PKP4: variants seen among roughly 807,000 people sequenced by gnomAD.
PKP4 encodes the protein plakophilin 4.
In PKP4, 90 loss-of-function variants were observed where a neutral mutation model predicts 145.1. The ratio of observed to expected loss-of-function variants is 0.62; its 90% CI spans 0.52 to 0.74. The LOEUF is 0.74. Ranked by LOEUF, PKP4 falls within the 30% of genes least tolerant of loss-of-function variation. The pLI is 0.00. For synonymous variants in PKP4, 563 were observed against 577.2 expected, an observed-to-expected ratio of 0.98 and a Z score of 0.35; for missense variants, 1,340 against 1,482.7, an observed-to-expected ratio of 0.90 and a Z score of 1.58.
chr2:158,603,314 T>C (rs2050380138), intron 4 of PKP4, among the ~76,000 whole-genome samples: 2 of 152,192 alleles, frequency 1.3e-5, no homozygotes, highest in Non-Finnish European at 1.5e-5. Flanking sequence ...GAAAAAGCAT[T>C]GAACAGCAGC....
At chr2:158,622,291 C>T (rs1488068787) in intron 6 of PKP4, among the ~76,000 whole-genome samples, 1 of 152,098 alleles carries the variant, frequency 6.6e-6, no homozygotes, top group African/African-American at 2.4e-5. Flanking sequence ...AGTTAGGGTT[C>T]TCTAACTTGA....
At position 158,631,767 on chromosome 2, in the gene PKP4, T is replaced by G; in HGVS notation, c.1168T>G (p.Tyr390Asp). The G allele has an allele frequency of 6.2e-7, 1 of 1,614,100 alleles. No individual in the cohort carries two copies. The highest frequency in any genetic ancestry group is 8.5e-7 in the Non-Finnish European group (1 of 1,179,930). ...PDSLTGLRSSYASQHSQLGQD... is the reference protein window; with the variant it reads ...PDSLTGLRSSDASQHSQLGQD... ...TGTGCCTCTAGGCTTACGGAGTTCCTATGCTAGTCAGCATAGTCAGCTTGG... is the reference window on the plus strand; with the variant it reads ...TGTGCCTCTAGGCTTACGGAGTTCCGATGCTAGTCAGCATAGTCAGCTTGG... Residue 390 changes from tyrosine to aspartate, a missense_variant, in exon 8 of 22, where the codon TAT becomes GAT. Coordinates refer to ENST00000389759, the MANE Select transcript of PKP4 (RefSeq NM_003628.6).
At chr2:158,669,619 G>A in intron 16 of PKP4, 101 bp from the exon 17 acceptor site, 2 of 907,500 alleles carry the variant, frequency 2.2e-6, no homozygotes, top group South Asian at 3.5e-5. Context: ...GTCTCTTTGG[G>A]GGTTTTATTT....
At chr2:158,672,055 T>C (rs2057609165) in intron 17 of PKP4, among the ~76,000 whole-genome samples, 1 of 152,158 alleles carries the variant, frequency 6.6e-6, no homozygotes, top group Non-Finnish European at 1.5e-5. Context: ...GTGAGGGGTA[T>C]AGGAGGCCCA....
intron 2 of PKP4, among the ~76,000 whole-genome samples, chr2:158,572,820 A>G (rs1450045660): frequency 6.6e-6 from 1 of 152,222 alleles, no homozygotes; most frequent in Non-Finnish European, 1.5e-5. Context: ...GAGACAACCA[A>G]AGAAAAGAGA....
chr2:158,474,398 T>G (rs1290650750), intron 1 of PKP4, among the ~76,000 whole-genome samples: 3 of 152,230 alleles, frequency 2.0e-5, no homozygotes, highest in Non-Finnish European at 2.9e-5. Flanking sequence ...CTGTGTTGAT[T>G]ACTGAACCCC....
At chr2:158,664,498 C>T (rs779864930) in intron 15 of PKP4, among the ~76,000 whole-genome samples, 9 of 152,184 alleles carry the variant, frequency 5.9e-5, no homozygotes, top group African/African-American at 2.2e-4. Context: ...AGAGTTACTA[C>T]AATGCTTGCT....
At chr2:158,605,122 CT>C (rs1490969165) in intron 4 of PKP4, among the ~76,000 whole-genome samples, 2 of 152,108 alleles carry the variant, frequency 1.3e-5, no homozygotes, top group Non-Finnish European at 2.9e-5. Context: ...TTCCAAGGGC[CT>C]TGTGTGTGGA....
chr2:158,468,815 A>C (rs1477102706), intron 1 of PKP4, among the ~76,000 whole-genome samples: 1 of 118,506 alleles, frequency 8.4e-6, no homozygotes, highest in Non-Finnish European at 1.6e-5. Flanking sequence ...TCTGTCACCC[A>C]GGCTGGAGTG....
chr2:158,537,902 C>T (rs1384281937), intron 2 of PKP4, among the ~76,000 whole-genome samples: 3 of 151,982 alleles, frequency 2.0e-5, no homozygotes, highest in South Asian at 2.1e-4. Context: ...TGATGGTGTG[C>T]GCCTGTGGTC....
At chr2:158,551,798 T>G (rs1213080370) in intron 2 of PKP4, among the ~76,000 whole-genome samples, 3 of 152,236 alleles carry the variant, frequency 2.0e-5, no homozygotes, top group Non-Finnish European at 4.4e-5. Flanking sequence ...ATCTCACATT[T>G]ACATATTAGC....
chr2:158,630,691 A>G (rs1451580823), intron 7 of PKP4, among the ~76,000 whole-genome samples: 2 of 152,168 alleles, frequency 1.3e-5, no homozygotes, highest in East Asian at 3.9e-4. Context: ...GCCCAGAGAG[A>G]AGCTGATTGT....
chr2:158,626,180 C>T (rs575856669), intron 7 of PKP4, among the ~76,000 whole-genome samples: 224 of 152,234 alleles, frequency 1.5e-3, no homozygotes, highest in African/African-American at 5.3e-3. Flanking sequence ...GCCTTTTACC[C>T]TCACCCAGTC....
At chr2:158,585,357 TAAGAA>T (rs1223130620) in intron 3 of PKP4, among the ~76,000 whole-genome samples, 3 of 152,196 alleles carry the variant, frequency 2.0e-5, no homozygotes, top group African/African-American at 7.2e-5. Flanking sequence ...TACTACCACT[TAAGAA>T]AAGAACTGGT....
Position 158,500,533 on chromosome 2 carries a change from C to T in PKP4, c.-5-32647C>T, listed in dbSNP as rs138816158. Reference sequence around the variant, plus strand: ...AAAATGCAGTGCTTATTTAACTTAGCAGCAATGCCTTGTAAAAATATAAGC... The same window carrying T: ...AAAATGCAGTGCTTATTTAACTTAGTAGCAATGCCTTGTAAAAATATAAGC... On this transcript the variant is annotated intron_variant, in intron 1 of 21. Transcript: ENST00000389759. 2.4e-3 allele frequency among the ~76,000 whole-genome samples: 367 copies of T among 152,360 alleles called. 2 individuals carry two copies. The highest frequency in any genetic ancestry group is 0.011 in the South Asian group (52 of 4,828).
intron 2 of PKP4, among the ~76,000 whole-genome samples, chr2:158,552,403 G>A (rs1035531548): frequency 3.3e-5 from 5 of 152,186 alleles, no homozygotes; most frequent in South Asian, 2.1e-4. Context: ...TACAGAGTTT[G>A]GCATCAGGAA....
chr2:158,533,325 T>C lies in PKP4; in HGVS notation c.132+9T>C. The C allele has an allele frequency of 6.2e-7, 1 of 1,613,946 alleles. No homozygotes were observed. The highest frequency in any genetic ancestry group is 8.5e-7 in the Non-Finnish European group (1 of 1,179,836). ...CATCCGTGAAGGAGCAGGTACATCC[T>C]CGTATTGAAAGTTGCAGTGAATTAT... On this transcript the variant is annotated intron_variant, in intron 2 of 21. Coordinates refer to ENST00000389759, the MANE Select transcript of PKP4 (RefSeq NM_003628.6).
chr2:158,468,748 G>A (rs922592163), intron 1 of PKP4, among the ~76,000 whole-genome samples: 16 of 147,140 alleles, frequency 1.1e-4, no homozygotes, highest in East Asian at 4.1e-4. Context: ...AAAGAAATTA[G>A]ACATTTTCTT....
At chr2:158,539,339 C>G (rs1031640231) in intron 2 of PKP4, among the ~76,000 whole-genome samples, 7 of 152,220 alleles carry the variant, frequency 4.6e-5, no homozygotes, top group Admixed American at 6.5e-5. Flanking sequence ...TGAACAAATT[C>G]CAGTACAATT....
Sources: allele counts gnomAD v4.1 joint callset (sites outside exome capture counted in the v4.1 genomes callset), GRCh38; gene constraint gnomAD v4.1.1; transcripts MANE v1.5; gene names NCBI Gene and HGNC (gene_info 2026-07-23, HGNC 2026-07-21).